TMEM156: variants seen among roughly 807,000 people sequenced by gnomAD.
The protein encoded by TMEM156 is transmembrane protein 156.
Under a neutral mutation model 30.5 loss-of-function variants are expected in TMEM156, and 28 were observed. The observed-to-expected ratio is 0.92, with a 90% CI of 0.68 to 1.26. The LOEUF (loss-of-function observed/expected upper bound fraction) is 1.26. Among genes scored for constraint, TMEM156 ranks in the 50% most tolerant of loss-of-function variants. The pLI is 0.00. For missense variants in TMEM156, 351 were observed against 340.6 expected (o/e 1.03, Z -0.24); for synonymous variants, 137 against 119.9 (o/e 1.14, Z -0.93).
chr4:39,014,663 C>G (rs1714362158), intron 1 of TMEM156, among the ~76,000 whole-genome samples: 1 of 150,860 alleles, frequency 6.6e-6, no homozygotes, highest in African/African-American at 2.4e-5. Context: ...GAGGCTGAGG[C>G]AGGAGACTCT....
At chr4:39,026,668 T>A (rs1029767021) in intron 1 of TMEM156, among the ~76,000 whole-genome samples, 1 of 152,148 alleles carries the variant, frequency 6.6e-6, no homozygotes, top group African/African-American at 2.4e-5. Flanking sequence ...GGCTCACACC[T>A]GTAATCCCAA....
intron 5 of TMEM156, among the ~76,000 whole-genome samples, chr4:38,980,493 G>C (rs1723124490): frequency 6.6e-6 from 1 of 152,210 alleles, no homozygotes; most frequent in South Asian, 2.1e-4. Context: ...TATGCATTAT[G>C]CTATGAGCTG....
At chr4:39,013,013 A>G (rs888299554) in intron 1 of TMEM156, among the ~76,000 whole-genome samples, 1 of 152,036 alleles carries the variant, frequency 6.6e-6, no homozygotes, top group Non-Finnish European at 1.5e-5. Context: ...AAAGAGTAGT[A>G]TGAGGCTGGA....
intron 1 of TMEM156, among the ~76,000 whole-genome samples, chr4:39,013,176 C>T (rs1714237622): frequency 6.6e-6 from 1 of 151,334 alleles, no homozygotes. Context: ...TGGCACATGC[C>T]TGTAGTCCCA....
At chr4:39,017,149 C>G (rs1714543053) in intron 1 of TMEM156, among the ~76,000 whole-genome samples, 1 of 149,118 alleles carries the variant, frequency 6.7e-6, no homozygotes, top group Non-Finnish European at 1.5e-5. Context: ...CACTGCCAAA[C>G]CATATCAAGT....
chr4:38,992,694 TTATATA>T (rs1560366723), intron 3 of TMEM156, among the ~76,000 whole-genome samples: 50 of 43,956 alleles, frequency 1.1e-3, no homozygotes, highest in South Asian at 5.1e-3. Context: ...ATATAATATA[TTATATA>T]ATATATATAT....
chr4:38,972,317 G>A (rs527902301), intron 5 of TMEM156, among the ~76,000 whole-genome samples: 2 of 129,204 alleles, frequency 1.5e-5, no homozygotes, highest in South Asian at 2.5e-4. Flanking sequence ...GCAATGGTGC[G>A]ATCTCAGCTC....
At chr4:38,995,242 G>A (rs1242894384) in intron 2 of TMEM156, among the ~76,000 whole-genome samples, 1 of 152,148 alleles carries the variant, frequency 6.6e-6, no homozygotes, top group Non-Finnish European at 1.5e-5. Context: ...CATCTACAAT[G>A]ACCGTATTTC....
At chr4:39,027,401 T>G (rs113978147) in intron 1 of TMEM156, among the ~76,000 whole-genome samples, 17 of 152,296 alleles carry the variant, frequency 1.1e-4, no homozygotes, top group Middle Eastern at 3.4e-3. Context: ...ATTTCACTGT[T>G]CATTATACCA....
intron 5 of TMEM156, among the ~76,000 whole-genome samples, chr4:38,983,404 G>A (rs1577518643): frequency 6.6e-6 from 1 of 152,090 alleles, no homozygotes; most frequent in South Asian, 2.1e-4. Context: ...ACGTTTTAAA[G>A]TTACTTTTTT....
chr4:38,976,440 G>A (rs746853575), intron 5 of TMEM156, among the ~76,000 whole-genome samples: 10 of 152,138 alleles, frequency 6.6e-5, no homozygotes, highest in East Asian at 3.8e-4. Flanking sequence ...GTACACAGCC[G>A]TAAGTGAATT....
At chr4:39,007,786 G>A (rs1184598386) in intron 1 of TMEM156, among the ~76,000 whole-genome samples, 4 of 151,852 alleles carry the variant, frequency 2.6e-5, no homozygotes, top group African/African-American at 7.3e-5. Flanking sequence ...GAGTTCTTTG[G>A]TTTCTTTGAT....
chr4:38,984,357 G>C lies in TMEM156; in HGVS notation c.823+1979C>G, dbSNP rs1390565396. Among the ~76,000 whole-genome samples the C allele has an allele frequency of 2.3e-3, 319 of 139,714 alleles. 2 individuals carry two copies. The highest frequency in any genetic ancestry group is 0.013 in the South Asian group (61 of 4,714). The allele number at this position is 139,714 out of a possible 152,430, so 91.7% of individuals were successfully genotyped here. A position where few individuals can be genotyped will look rare whatever the true frequency, so the allele number is the denominator to read the frequency against. On this transcript the variant is annotated intron_variant, in intron 5 of 6. Coordinates refer to ENST00000381938, the MANE Select transcript of TMEM156 (RefSeq NM_024943.3). ...TGTCTCTCTCTCTCTCTCTGTGTGT[G>C]TGTGTGTGTGTGTGTGTGTGTGTGT...
At chr4:38,972,514 G>T (rs1722653015) in intron 5 of TMEM156, among the ~76,000 whole-genome samples, 1 of 150,946 alleles carries the variant, frequency 6.6e-6, no homozygotes, top group African/African-American at 2.4e-5. Flanking sequence ...GCCTCCCAAA[G>T]TGCTGGGATT....
intron 1 of TMEM156, among the ~76,000 whole-genome samples, chr4:39,013,610 CA>C (rs1714278680): frequency 6.6e-6 from 1 of 151,836 alleles, no homozygotes; most frequent in South Asian, 2.1e-4. Context: ...CCATGTTGGC[CA>C]GGATGGTCTC....
intron 1 of TMEM156, among the ~76,000 whole-genome samples, chr4:39,011,610 C>G (rs1714124784): frequency 6.6e-6 from 1 of 152,004 alleles, no homozygotes; most frequent in African/African-American, 2.4e-5. Flanking sequence ...CCCATCTCTA[C>G]TAAAAATACA....
chr4:39,024,088 T>A (rs574374307), intron 1 of TMEM156, among the ~76,000 whole-genome samples: 7 of 152,212 alleles, frequency 4.6e-5, no homozygotes, highest in Non-Finnish European at 8.8e-5. Flanking sequence ...CAGGCTGCCA[T>A]GAAGTGGCGC....
intron 1 of TMEM156, among the ~76,000 whole-genome samples, chr4:39,026,682 T>C (rs977655375): frequency 2.0e-5 from 3 of 151,926 alleles, no homozygotes; most frequent in Non-Finnish European, 4.4e-5. Context: ...ATCCCAACAC[T>C]CTGGGAGGCT....
intron 6 of TMEM156, among the ~76,000 whole-genome samples, chr4:38,970,374 C>A (rs1346889791): frequency 6.6e-6 from 1 of 152,084 alleles, no homozygotes; most frequent in African/African-American, 2.4e-5. Flanking sequence ...CCTGATAGGA[C>A]CTTGACTGAA....
Sources: gnomAD v4.1 joint callset for allele counts (sites outside exome capture counted in the v4.1 genomes callset) on GRCh38, gnomAD v4.1.1 for gene constraint, MANE v1.5 for transcripts, NCBI Gene and HGNC (gene_info 2026-07-23, HGNC 2026-07-21) for gene names.